The following EXD3 variants were observed in gnomAD, a reference collection of about 807,000 sequenced individuals.
The protein encoded by EXD3 is exonuclease 3'-5' domain containing 3, also known as exonuclease mut-7 homolog.
EXD3 carries 92 observed loss-of-function variants against 98.0 expected under a neutral mutation model. The ratio of observed to expected loss-of-function variants is 0.94; its 90% confidence interval spans 0.79 to 1.12. EXD3 has a LOEUF of 1.12. Among genes scored for constraint, EXD3 ranks in the 50% most tolerant of loss-of-function variants. EXD3 has a pLI of 0.00. For missense variants in EXD3, 1,222 were observed against 1,191.6 expected (o/e 1.03, Z -0.38); for synonymous variants, 569 against 526.0 (o/e 1.08, Z -1.12).
In EXD3 at chr9:137,395,666, C is replaced by T. The variant is rs1208277050; in HGVS notation, c.-47-262G>A. The stretch of plus-strand genomic sequence containing the variant: ...GGGAGGGCAGGGGGTGGGAGGGGCC[C>T]TGGGGGGGGGCACAGTAGACAGACC... On this transcript the variant is annotated intron_variant, in intron 1 of 21. Coordinates refer to ENST00000340951, the MANE Select transcript of EXD3 (RefSeq NM_017820.5). This position sits in a 1 kb window ranked among gnomAD's most constrained non-coding sequence, Gnocchi z 6.5. 6.6e-6 allele frequency among the ~76,000 whole-genome samples: 1 copy of T among 151,258 alleles called. No homozygotes were observed. The highest frequency in any genetic ancestry group is 1.5e-5 in the Non-Finnish European group (1 of 67,730).
intron 1 of EXD3, among the ~76,000 whole-genome samples, chr9:137,415,243 G>T (rs1460484720): frequency 6.7e-6 from 1 of 149,572 alleles, no homozygotes. Context: ...TTGCTCTGTT[G>T]CCCAGGCTGG....
At chr9:137,374,899 G>A (rs1190626045) in intron 3 of EXD3, 2 of 974,076 alleles carry the variant, frequency 2.1e-6, no homozygotes, top group African/African-American at 1.8e-5. Context: ...CCTGGCCCTA[G>A]TGAGATCTAG....
intron 17 of EXD3, chr9:137,345,997 A>G (rs1329980614): frequency 6.6e-6 from 1 of 152,074 alleles, no homozygotes; most frequent in Non-Finnish European, 1.5e-5. Context: ...AAAACCAGGG[A>G]AAAGTAATTA....
At chr9:137,397,221 G>A (rs551029477) in intron 1 of EXD3, among the ~76,000 whole-genome samples, 1 of 152,302 alleles carries the variant, frequency 6.6e-6, no homozygotes, top group African/African-American at 2.4e-5. Context: ...CTGCTCCAGA[G>A]CCTCTCGCCA....
At chr9:137,355,478 A>AG (rs1215102171) in intron 8 of EXD3, among the ~76,000 whole-genome samples, 136 of 6,074 alleles carry the variant, frequency 0.022, no homozygotes, top group Non-Finnish European at 0.038. Flanking sequence ...GGAAGGAGGA[A>AG]GGAGGAAGGA....
At chr9:137,350,594 G>T (rs1834238270) in intron 14 of EXD3, among the ~76,000 whole-genome samples, 1 of 113,588 alleles carries the variant, frequency 8.8e-6, no homozygotes, top group Non-Finnish European at 2.0e-5. Context: ...AGAGAGGGGT[G>T]GGGATCACGG....
At chr9:137,410,461 G>A (rs1424256458) in intron 1 of EXD3, among the ~76,000 whole-genome samples, 5 of 150,666 alleles carry the variant, frequency 3.3e-5, no homozygotes, top group Non-Finnish European at 5.9e-5. Flanking sequence ...TTCCAGCCTG[G>A]GCGACAGAGC....
intron 1 of EXD3, among the ~76,000 whole-genome samples, chr9:137,409,161 G>A (rs907086861): frequency 6.6e-6 from 1 of 152,176 alleles, no homozygotes; most frequent in Non-Finnish European, 1.5e-5. Context: ...GGGTTATCAC[G>A]GGAGTGGAAC....
rs555266417 is a variant in EXD3 at position 137,347,736 on chromosome 9, G to A, written c.1998+335C>T. On this transcript the variant is annotated intron_variant, in intron 17 of 21. Coordinates refer to ENST00000340951, the MANE Select transcript of EXD3 (RefSeq NM_017820.5). This position sits in a 1 kb window ranked among gnomAD's most constrained non-coding sequence, Gnocchi z 4.2. ...TGGGATTATAGGCATGAGCCACTGC[G>A]TCCGGCCCCATTTCTGCTTTTAAGG... is the stretch of plus-strand genomic sequence containing the variant. Among the ~76,000 whole-genome samples the A allele has an allele frequency of 1.8e-4, 28 of 152,252 alleles. No homozygotes were observed. The Middle Eastern group carries it at 0.014, about 74-fold the overall frequency.
chr9:137,378,186 A>G (rs1029596007), intron 3 of EXD3, among the ~76,000 whole-genome samples: 1 of 151,640 alleles, frequency 6.6e-6, no homozygotes, highest in South Asian at 2.1e-4. Context: ...GCAGTTTCCC[A>G]AAGATTTATT....
intron 1 of EXD3, among the ~76,000 whole-genome samples, chr9:137,413,359 C>A (rs1838091454): frequency 6.6e-6 from 1 of 152,096 alleles, no homozygotes; most frequent in Non-Finnish European, 1.5e-5. Flanking sequence ...TGCCACCACG[C>A]CCGGCTAATT....
Position 137,351,414 on chromosome 9 carries a change from C to A in EXD3, c.1288G>T (p.Val430Phe). ...AVEGHVFLLDVLALSQPPTGQ... is the reference protein window; with the variant it reads ...AVEGHVFLLDFLALSQPPTGQ... ...GTTGGTGGCTGCGAGAGTGCCAGGACGTCCAGAAGGAACACGTGGCCCTCC... is the reference window on the plus strand; with the variant it reads ...GTTGGTGGCTGCGAGAGTGCCAGGAAGTCCAGAAGGAACACGTGGCCCTCC... The change falls in exon 13 of 22, where the codon GTC becomes TTC. Residue 430 changes from valine to phenylalanine, a missense_variant. By Grantham distance (50) the Val-to-Phe change is conservative. Coordinates refer to ENST00000340951, the MANE Select transcript of EXD3 (RefSeq NM_017820.5). 2 of 1,609,444 alleles carry A rather than the reference C, an allele frequency of 1.2e-6. No individual in the cohort carries two copies. Among genetic ancestry groups the A allele is most frequent in the Non-Finnish European group, 1.7e-6 (2 of 1,178,792 alleles).
chr9:137,381,098 T>TCTCACACACACACACACACACACA (rs769476087), intron 3 of EXD3: 3 of 134,658 alleles, frequency 2.2e-5, no homozygotes, highest in South Asian at 2.3e-4. Context: ...AGACTCTGTC[T>TCTCACACACACACACACACACACA]CACACACACA....
At chr9:137,383,543 G>A (rs1836431707) in intron 2 of EXD3, among the ~76,000 whole-genome samples, 166 bp from the exon 3 acceptor site, 1 of 152,154 alleles carries the variant, frequency 6.6e-6, no homozygotes, top group South Asian at 2.1e-4. Flanking sequence ...CAACACACCT[G>A]CCAGCTGCGG....
chr9:137,330,449 C>T (rs1301085269), intron 17 of EXD3, among the ~76,000 whole-genome samples: 2 of 142,770 alleles, frequency 1.4e-5, no homozygotes, highest in South Asian at 2.3e-4. Context: ...CACAGGACTA[C>T]ACAGGAGCTA....
chr9:137,336,118 T>A (rs1189882572), intron 17 of EXD3, among the ~76,000 whole-genome samples: 1 of 152,036 alleles, frequency 6.6e-6, no homozygotes, highest in Non-Finnish European at 1.5e-5. Context: ...AGTGATATAA[T>A]GGACACTGGA....
chr9:137,389,197 C>T lies in EXD3; in HGVS notation c.56-5820G>A, dbSNP rs189995480. The stretch of plus-strand genomic sequence containing the variant: ...GCTCAGCTGCAGGCAGGGCGGGGGA[C>T]GTGATAAGGACAGAGGCGGCAACGA... On this transcript the variant is annotated intron_variant, in intron 2 of 21. Coordinates refer to ENST00000340951, the MANE Select transcript of EXD3 (RefSeq NM_017820.5). Among the ~76,000 whole-genome samples the T allele has an allele frequency of 3.9e-4, 59 of 152,272 alleles. 1 individual carries two copies. The highest frequency in any genetic ancestry group is 1.0e-3 in the South Asian group (5 of 4,820).
chr9:137,395,494 G>A lies in EXD3; in HGVS notation c.-47-90C>T, dbSNP rs1028349383. On this transcript the variant is annotated intron_variant, in intron 1 of 21. Coordinates refer to ENST00000340951, the MANE Select transcript of EXD3 (RefSeq NM_017820.5). The surrounding 1 kb of genome is among the most constrained non-coding windows in gnomAD (Gnocchi z 6.5). ...GCCCACAGCCCCTGGAGGTGGTGGA[G>A]GGAGCTGGTGCCTGGGGGGGCCCAA... 18 of 1,293,032 alleles carry A rather than the reference G, an allele frequency of 1.4e-5. No homozygotes were observed. Among genetic ancestry groups the A allele is most frequent in the African/African-American group, 2.9e-5 (2 of 68,124 alleles). 80.1% of individuals were successfully genotyped at this position (1,293,032 alleles called of 1,614,324 possible).
intron 2 of EXD3, among the ~76,000 whole-genome samples, chr9:137,384,961 G>A (rs1001486286): frequency 3.3e-5 from 5 of 152,010 alleles, no homozygotes; most frequent in South Asian, 2.1e-4. Flanking sequence ...GCATGGTGGC[G>A]GGTGCCTGTA....
Sources: gnomAD v4.1 joint callset for allele counts (sites outside exome capture counted in the v4.1 genomes callset) on GRCh38, gnomAD v4.1.1 for gene constraint, Gnocchi (gnomAD v3.1) non-coding constraint, MANE v1.5 for transcripts, NCBI Gene and HGNC (gene_info 2026-07-23, HGNC 2026-07-21) for gene names.